Variants in CLN3 observed in about 807,000 individuals in gnomAD.
The protein encoded by CLN3 is CLN3 lysosomal/endosomal transmembrane protein, battenin.
CLN3 carries 49 observed loss-of-function variants against 60.7 expected under a neutral mutation model. The ratio of observed to expected loss-of-function variants is 0.81; its 90% CI spans 0.64 to 1.02. CLN3 has a LOEUF of 1.02. CLN3 is among the 50% of genes least tolerant of loss of function. The pLI is 0.00. For missense variants in CLN3, 516 were observed against 557.4 expected, an observed-to-expected ratio of 0.93 and a Z score of 0.75; for synonymous variants, 256 against 245.8, an observed-to-expected ratio of 1.04 and a Z score of -0.39.
At chr16:28,473,217 G>A (rs372303857), downstream of CLN3, among the ~76,000 whole-genome samples, 89 of 152,130 alleles carry the variant, frequency 5.9e-4, 1 homozygote, top group Admixed American at 2.2e-3. Context: ...CAATTCTCCC[G>A]CCTCAGCCTC....
At chr16:28,486,101 G>T (rs976309973) in intron 9 of CLN3, among the ~76,000 whole-genome samples, 2 of 151,670 alleles carry the variant, frequency 1.3e-5, no homozygotes, top group African/African-American at 4.8e-5. Flanking sequence ...GGGTTCAAGC[G>T]ATTCTCCTGC....
chr16:28,473,427 C>T (rs2045968012), downstream of CLN3, among the ~76,000 whole-genome samples: 1 of 151,948 alleles, frequency 6.6e-6, no homozygotes, highest in Admixed American at 6.6e-5. Context: ...TAGAACCTTG[C>T]AATGTTGCTC....
intron 14 of CLN3, 143 bp downstream of exon 14, chr16:28,481,961 TG>T: frequency 1.6e-6 from 1 of 622,764 alleles, no homozygotes; most frequent in Non-Finnish European, 2.8e-6. Context: ...CACTCCAGCC[TG>T]GACGACAGAG....
downstream of CLN3, chr16:28,469,844 G>C (rs1448354227): frequency 6.6e-6 from 2 of 303,292 alleles, no homozygotes; most frequent in African/African-American, 4.6e-5. Context: ...AATTAGCCAG[G>C]CGTTGTAATC....
At chr16:28,487,226 A>G (rs2046234740) in intron 7 of CLN3, 1 of 609,958 alleles carries the variant, frequency 1.6e-6, no homozygotes, top group Admixed American at 2.6e-5. Context: ...CAGAGTCTTG[A>G]CTTTGTTCAC....
Position 28,477,385 on chromosome 16 carries a change from C to T in CLN3, c.*131G>A. On this transcript the variant is annotated 3_prime_UTR_variant, in exon 16 of 16. Transcript: ENST00000636147. ...CTGCAAGGGAAACAAGGCTTCAGCC[C>T]TTCCCTACTCCCAGACCTGCCGGGA... The T allele has an allele frequency of 1.6e-6, 2 of 1,266,000 alleles. No individual in the cohort carries two copies. The highest frequency in any genetic ancestry group is 2.3e-6 in the Non-Finnish European group (2 of 886,082). 78.4% of individuals were successfully genotyped at this position (1,266,000 alleles called of 1,614,324 possible).
chr16:28,486,873 A>G (rs1384747596), intron 7 of CLN3: 2 of 617,082 alleles, frequency 3.2e-6, no homozygotes, highest in African/African-American at 1.8e-5. Flanking sequence ...AGGGGCAGAC[A>G]TGCACCCTTG....
chr16:28,476,822 T>C (rs904957015), downstream of CLN3: 1 of 154,102 alleles, frequency 6.5e-6, no homozygotes, highest in African/African-American at 2.4e-5. Context: ...AATGCATGAA[T>C]GAATGAATAC....
rs747145427 is a variant in CLN3, at chr16:28,477,772, C to T, written c.1162G>A (p.Ala388Thr). 6 of 1,614,046 alleles carry T rather than the reference C, an allele frequency of 3.7e-6. No individual in the cohort carries two copies. In the South Asian group the frequency reaches 6.6e-5, roughly 18 times the overall value. ...ILYEGLLGGA[A>T]YVNTFHNIAL... Reference sequence around the variant, plus strand: ...ATGTTGTGGAAGGTGTTCACGTAGGCTGCGCCTCCCAGGAGCCCCTCATAC... The same window carrying T: ...ATGTTGTGGAAGGTGTTCACGTAGGTTGCGCCTCCCAGGAGCCCCTCATAC... The change falls in exon 15 of 16, where the codon GCC becomes ACC. Residue 388 changes from alanine to threonine, a missense_variant. Transcript: ENST00000636147.
downstream of CLN3, among the ~76,000 whole-genome samples, chr16:28,473,828 C>A (rs888219633): frequency 1.3e-5 from 2 of 152,062 alleles, no homozygotes; most frequent in Non-Finnish European, 1.5e-5. Flanking sequence ...ACTATATGTA[C>A]GGTCAATAAG....
downstream of CLN3, chr16:28,477,199 G>A: frequency 2.5e-6 from 1 of 395,840 alleles, no homozygotes; most frequent in Non-Finnish European, 4.8e-6. Context: ...CCTTCTTTAT[G>A]CTGTCTATAT....
Position 28,482,198 on chromosome 16 carries a change from C to T in CLN3, c.963G>A (p.Trp321Ter). ...CGCCAGCCTGGTACAGCATCTGGTA[C>T]CTGAGGTTAGGGTTGGGGGGAGGAG... ...TSLSHAQQYR[W>*]YQMLYQAGVF... Residue 321 changes from tryptophan to a stop codon, truncating the protein, a stop_gained and splice_region_variant, in exon 14 of 16, where the codon TGG becomes TGA. Transcript: ENST00000636147. LOFTEE classifies it high-confidence loss of function. 2 of 1,612,612 alleles carry T rather than the reference C, an allele frequency of 1.2e-6. No individual in the cohort carries two copies. The highest frequency in any genetic ancestry group is 1.1e-5 in the South Asian group (1 of 90,838).
chr16:28,487,598 A>G, intron 6 of CLN3, 57 bp from the exon 7 acceptor site: 1 of 1,591,640 alleles, frequency 6.3e-7, no homozygotes, highest in Non-Finnish European at 8.6e-7. Flanking sequence ...TCAGCATCTC[A>G]GCCATCCCAG....
chr16:28,480,590 G>A (rs969701133), intron 14 of CLN3, among the ~76,000 whole-genome samples: 5 of 151,836 alleles, frequency 3.3e-5, no homozygotes, highest in Admixed American at 1.3e-4. Context: ...TAATAGAGAC[G>A]GGGTTTCACT....
downstream of CLN3, among the ~76,000 whole-genome samples, chr16:28,472,349 A>C (rs1191519200): frequency 2.0e-5 from 3 of 151,954 alleles, no homozygotes; most frequent in Admixed American, 2.0e-4. Context: ...TGATCACGCC[A>C]CTTCACTCCA....
In CLN3 at chr16:28,487,681, G is replaced by A. The variant is rs1442290418; in HGVS notation, c.355C>T (p.Leu119Phe). ...LVIKLLAPLG[L>F]HLLPYSPRVL... ...CCAGACCTGTAGGGCAGCAGGTGAA[G>A]GCCAAGAGGAGCCAACAATTTGATG... Residue 119 changes from leucine (L) to phenylalanine (F), a missense_variant, in exon 6 of 16, where the codon CTT becomes TTT. By Grantham distance (22) the Leu-to-Phe change is conservative (BLOSUM62 0). Coordinates refer to ENST00000636147, the MANE Select transcript of CLN3 (RefSeq NM_001042432.2). The A allele has an allele frequency of 1.2e-6, 2 of 1,613,936 alleles. No individual in the cohort carries two copies. The highest frequency in any genetic ancestry group is 1.7e-6 in the Non-Finnish European group (2 of 1,179,908).
chr16:28,473,390 T>C (rs932095027), downstream of CLN3, among the ~76,000 whole-genome samples: 3 of 152,112 alleles, frequency 2.0e-5, no homozygotes, highest in Non-Finnish European at 4.4e-5. Context: ...GGCCTCCTTT[T>C]ATCATTATTT....
chr16:28,487,230 T>G, intron 7 of CLN3: 1 of 613,402 alleles, frequency 1.6e-6, no homozygotes, highest in Admixed American at 2.6e-5. Context: ...GTCTTGACTT[T>G]GTTCACCTCA....
chr16:28,490,912 A>T (rs1176324630), intron 3 of CLN3: 1 of 152,448 alleles, frequency 6.6e-6, no homozygotes, highest in Non-Finnish European at 1.5e-5. Flanking sequence ...TCTATAAAAA[A>T]ATATAAAAAT....
Sources: gnomAD v4.1 joint callset for allele counts (sites outside exome capture counted in the v4.1 genomes callset) on GRCh38, gnomAD v4.1.1 for gene constraint, MANE v1.5 for transcripts, NCBI Gene and HGNC (gene_info 2026-07-23, HGNC 2026-07-21) for gene names.